The following ACOT11 variants were observed in gnomAD, a reference collection of about 807,000 sequenced individuals.
ACOT11 encodes acyl-CoA thioesterase 11.
Under a neutral mutation model 77.5 loss-of-function variants are expected in ACOT11, and 69 were observed. The ratio of observed to expected loss-of-function variants is 0.89; its 90% CI spans 0.73 to 1.09. The LOEUF (loss-of-function observed/expected upper bound fraction) is 1.09, where lower values mean the gene tolerates loss of function less well. Ranked by LOEUF, ACOT11 falls within the 50% of genes least tolerant of loss-of-function variation. The probability of loss-of-function intolerance (pLI) is 0.00; values close to 1 mark genes in which losing one functional copy is unlikely to be tolerated. For synonymous variants in ACOT11, 279 were observed against 313.0 expected, an observed-to-expected ratio of 0.89 and a Z score of 1.15; for missense variants, 766 against 813.7, an observed-to-expected ratio of 0.94 and a Z score of 0.71.
intron 3 of ACOT11, 23 bp from the exon 4 acceptor site, chr1:54,592,523 A>G: frequency 1.9e-6 from 3 of 1,607,118 alleles, no homozygotes; most frequent in Non-Finnish European, 2.6e-6. Flanking sequence ...TGGAAGGCTC[A>G]CCTCCTACTT....
intron 7 of ACOT11, chr1:54,598,227 G>T (rs1289280801): frequency 1.3e-5 from 2 of 152,422 alleles, no homozygotes; most frequent in African/African-American, 4.8e-5. Flanking sequence ...GATGGTCAGG[G>T]AAGGCTGCCT....
chr1:54,597,186 G>T (rs1643897597), intron 6 of ACOT11, 73 bp from the exon 7 acceptor site: 1 of 1,582,230 alleles, frequency 6.3e-7, no homozygotes, highest in Non-Finnish European at 8.6e-7. Context: ...TCCCAGGGCT[G>T]CCTGTGGGGA....
At chr1:54,561,732 G>T (rs1653497796) in intron 1 of ACOT11, among the ~76,000 whole-genome samples, 1 of 124,240 alleles carries the variant, frequency 8.0e-6, no homozygotes, top group Non-Finnish European at 1.7e-5. Context: ...GGGCAGGGGG[G>T]CTGACCCCCC....
intron 15 of ACOT11, 107 bp from the exon 16 acceptor site, chr1:54,608,850 G>GGCCA: frequency 1.8e-6 from 2 of 1,121,916 alleles, no homozygotes; most frequent in Non-Finnish European, 2.6e-6. Flanking sequence ...CCTCCCAGAA[G>GGCCA]GCCAGCAAGG....
chr1:54,576,972 T>G (rs1427460628), intron 1 of ACOT11, among the ~76,000 whole-genome samples: 2 of 152,208 alleles, frequency 1.3e-5, no homozygotes, highest in Non-Finnish European at 2.9e-5. Context: ...CTTTTTATAA[T>G]CACTTACCAT....
intron 1 of ACOT11, among the ~76,000 whole-genome samples, chr1:54,581,598 C>G (rs1318498378): frequency 6.6e-6 from 1 of 152,178 alleles, no homozygotes; most frequent in Admixed American, 6.5e-5. Flanking sequence ...CAAGTCTGGC[C>G]AGGTCTGCCA....
At chr1:54,625,887 C>T (rs200089108) in intron 15 of ACOT11, among the ~76,000 whole-genome samples, 6 of 143,934 alleles carry the variant, frequency 4.2e-5, no homozygotes, top group South Asian at 2.2e-4. Context: ...TGCGGTGAGC[C>T]GAGATTGTGC....
chr1:54,612,745 C>T (rs1211190372), downstream of ACOT11: 1 of 1,537,564 alleles, frequency 6.5e-7, no homozygotes, highest in Non-Finnish European at 9.0e-7. Context: ...TCTCACGGAG[C>T]TGCAGCGGCC....
intron 1 of ACOT11, among the ~76,000 whole-genome samples, chr1:54,576,024 C>A (rs1654102675): frequency 6.6e-6 from 1 of 152,190 alleles, no homozygotes; most frequent in South Asian, 2.1e-4. Context: ...GGCAGCCAAA[C>A]AAGGAGGTGG....
chr1:54,585,741 G>T (rs978414729), intron 2 of ACOT11, 94 bp from the exon 3 acceptor site: 13 of 1,313,516 alleles, frequency 9.9e-6, no homozygotes, highest in Non-Finnish European at 1.2e-5. Flanking sequence ...CTTGGCTTGG[G>T]CGGCTGGAGA....
intron 1 of ACOT11, among the ~76,000 whole-genome samples, chr1:54,569,181 C>T (rs12124620): frequency 0.048 from 7,179 of 150,254 alleles, 217 homozygotes; most frequent in Middle Eastern, 0.14. Context: ...AAGTTGGTCT[C>T]AAACGCCTGG....
intron 15 of ACOT11, among the ~76,000 whole-genome samples, chr1:54,620,427 C>CG (rs1644218613): frequency 6.6e-6 from 1 of 152,108 alleles, no homozygotes; most frequent in African/African-American, 2.4e-5. Flanking sequence ...AAGAGGGGGC[C>CG]GGGCATGGTG....
intron 16 of ACOT11, chr1:54,634,553 T>A: frequency 1.9e-6 from 1 of 536,690 alleles, no homozygotes; most frequent in Non-Finnish European, 3.3e-6. Flanking sequence ...ACAAAAAAGG[T>A]GGAAAAATAG....
Position 54,605,340 on chromosome 1 carries a change from CTGGGTGGGGGTTCAGGGTCA to C in ACOT11, c.1370+137_1370+156del, listed in dbSNP as rs983310080. ...GCTGGGGGTGGGTTGGAGTTCCATG[CTGGGTGGGGGTTCAGGGTCA>C]TGGGTATTTTGAGCCCTTAGGGAAG... On this transcript the variant is annotated intron_variant, in intron 13 of 15. Transcript: ENST00000343744. 5 of 1,359,560 alleles carry C rather than the reference CTGGGTGGGGGTTCAGGGTCA, an allele frequency of 3.7e-6. No individual in the cohort carries two copies. In the Admixed American group the frequency reaches 1.3e-4, roughly 34 times the overall value. The allele number at this position is 1,359,560 out of a possible 1,614,324, so 84.2% of individuals were successfully genotyped here. A position where few individuals can be genotyped will look rare whatever the true frequency, so the allele number is the denominator to read the frequency against.
chr1:54,582,665 C>A, intron 1 of ACOT11: 1 of 345,028 alleles, frequency 2.9e-6, no homozygotes, highest in Non-Finnish European at 4.1e-6. Flanking sequence ...CCCGTGTTCC[C>A]TTGTTGGTGA....
At chr1:54,586,356 T>C (rs1418518262) in intron 3 of ACOT11, among the ~76,000 whole-genome samples, 2 of 152,060 alleles carry the variant, frequency 1.3e-5, no homozygotes, top group Non-Finnish European at 2.9e-5. Context: ...GCCAGAAGCT[T>C]GGGCCATTCA....
intron 3 of ACOT11, 112 bp downstream of exon 3, chr1:54,586,016 A>G (rs1654485856): frequency 4.5e-6 from 5 of 1,111,698 alleles, no homozygotes; most frequent in Middle Eastern, 4.2e-4. Flanking sequence ...GCCTGACTCA[A>G]CTGACTGAAA....
intron 1 of ACOT11, among the ~76,000 whole-genome samples, chr1:54,553,654 T>C (rs1019396690): frequency 9.2e-5 from 14 of 152,182 alleles, no homozygotes; most frequent in Non-Finnish European, 1.6e-4. Flanking sequence ...AAGAATACAA[T>C]ATATTGTCAT....
intron 8 of ACOT11, 75 bp from the exon 9 acceptor site, chr1:54,601,194 A>C: frequency 6.7e-7 from 1 of 1,503,484 alleles, no homozygotes; most frequent in Non-Finnish European, 9.0e-7. Context: ...TGTGTGTGTG[A>C]GTGTGTGTGT....
Sources: allele counts gnomAD v4.1 joint callset (sites outside exome capture counted in the v4.1 genomes callset), GRCh38; gene constraint gnomAD v4.1.1; transcripts MANE v1.5; gene names NCBI Gene and HGNC (gene_info 2026-07-23, HGNC 2026-07-21).